Variants in COX5A observed in about 807,000 individuals in gnomAD.
COX5A encodes cytochrome c oxidase subunit 5A, mitochondrial.
A neutral mutation model predicts 16.1 loss-of-function variants in COX5A; 6 were observed. The ratio of observed to expected loss-of-function variants is 0.37; its 90% CI spans 0.20 to 0.73. COX5A has a LOEUF of 0.73. Ranked by LOEUF, COX5A falls within the 30% of genes least tolerant of loss-of-function variation. COX5A has a pLI of 0.50. For synonymous variants in COX5A, 73 were observed against 73.8 expected (o/e 0.99, Z 0.06); for missense variants, 159 against 194.9 (o/e 0.82, Z 1.10).
rs1337673362 is a variant in COX5A at position 74,919,843 on chromosome 15, GT to G, written c.*608del. 1 of 152,324 alleles carries G rather than the reference GT, an allele frequency of 6.6e-6. No homozygotes were observed. The highest frequency in any genetic ancestry group is 1.5e-5 in the Non-Finnish European group (1 of 68,156). 9.4% of individuals were successfully genotyped at this position (152,324 alleles called of 1,614,324 possible). A position where few individuals can be genotyped will look rare whatever the true frequency, so the allele number is the denominator to read the frequency against. On this transcript the variant is annotated 3_prime_UTR_variant, in exon 5 of 5. Transcript: ENST00000322347. ...ATGCCTCCAAATTTACAAAGCAAAT[GT>G]TTTAATGTCCAAGGCTAATACACCA...
chr15:74,938,068 C>T lies in COX5A; in HGVS notation c.-54G>A. Reference sequence around the variant, plus strand: ...ACAGAGAGAAGCCGGTGTAAGCTCGCGGGTTGCTCCGGAGCGGGCGGGGGC... The same window carrying T: ...ACAGAGAGAAGCCGGTGTAAGCTCGTGGGTTGCTCCGGAGCGGGCGGGGGC... On this transcript the variant is annotated 5_prime_UTR_variant, in exon 1 of 5. Coordinates refer to ENST00000322347, the MANE Select transcript of COX5A (RefSeq NM_004255.4). The T allele has an allele frequency of 1.8e-6, 2 of 1,142,472 alleles. No homozygotes were observed. The highest frequency in any genetic ancestry group is 4.4e-5 in the South Asian group (1 of 22,574). The allele number at this position is 1,142,472 out of a possible 1,614,324, so 70.8% of individuals were successfully genotyped here.
intron 1 of COX5A, among the ~76,000 whole-genome samples, chr15:74,931,211 A>G (rs994280417): frequency 2.6e-5 from 4 of 151,912 alleles, no homozygotes; most frequent in African/African-American, 4.8e-5. Flanking sequence ...TTTACTAGGA[A>G]TATTTTGGGC....
At chr15:74,937,141 A>G (rs1828618717) in intron 1 of COX5A, among the ~76,000 whole-genome samples, 1 of 152,128 alleles carries the variant, frequency 6.6e-6, no homozygotes. Flanking sequence ...CACACATATA[A>G]AGGGAAGGAA....
intron 1 of COX5A, among the ~76,000 whole-genome samples, chr15:74,930,890 G>A (rs1303109823): frequency 2.7e-5 from 4 of 149,988 alleles, no homozygotes; most frequent in Admixed American, 6.7e-5. Context: ...GGTGGCGGGC[G>A]CCTGTGGTCC....
At chr15:74,937,118 CA>C (rs2065394465) in intron 1 of COX5A, among the ~76,000 whole-genome samples, 1 of 151,952 alleles carries the variant, frequency 6.6e-6, no homozygotes, top group Non-Finnish European at 1.5e-5. Flanking sequence ...GTGGTGGACT[CA>C]AAACCTCCCA....
intron 1 of COX5A, 27 bp downstream of exon 1, chr15:74,937,888 G>A (rs2065399180): frequency 2.5e-6 from 3 of 1,208,920 alleles, no homozygotes; most frequent in Admixed American, 4.2e-5. Flanking sequence ...ACACGAGGGC[G>A]CGGGCAGTGG....
At chr15:74,921,421 A>AAAG (rs1261778884) in intron 4 of COX5A, among the ~76,000 whole-genome samples, 12 of 147,914 alleles carry the variant, frequency 8.1e-5, no homozygotes, top group Non-Finnish European at 1.5e-4. Context: ...AAAAAAAAAA[A>AAAG]AAAAAGAAAA....
At chr15:74,930,255 TAA>T (rs985872787) in intron 1 of COX5A, among the ~76,000 whole-genome samples, 14 of 149,444 alleles carry the variant, frequency 9.4e-5, no homozygotes, top group Admixed American at 5.3e-4. Context: ...CCATCTCTAC[TAA>T]AAGTATAAAA....
chr15:74,926,478 G>A (rs2065344213), intron 3 of COX5A, among the ~76,000 whole-genome samples: 1 of 131,854 alleles, frequency 7.6e-6, no homozygotes, highest in Non-Finnish European at 1.6e-5. Context: ...ACACGGCCAA[G>A]ATAAATTCTT....
At chr15:74,929,358 A>C in intron 1 of COX5A, 126 bp from the exon 2 acceptor site, 1 of 665,838 alleles carries the variant, frequency 1.5e-6, no homozygotes, top group Admixed American at 2.4e-5. Context: ...GGTCAAATGA[A>C]ATACATCGTA....
At position 74,926,816 on chromosome 15, in the gene COX5A, T is replaced by C. The variant is rs757699339; in HGVS notation, c.289A>G (p.Arg97Gly). 13 of 1,614,030 alleles carry C rather than the reference T, an allele frequency of 8.1e-6. No homozygotes were observed. Among genetic ancestry groups the C allele is most frequent in the Non-Finnish European group, 1.1e-5 (13 of 1,179,940 alleles). Residue 97 changes from arginine (R) to glycine (G), a missense_variant, in exon 3 of 5, where the codon AGA becomes GGA. By Grantham distance (125) the Arg-to-Gly change is moderately radical (BLOSUM62 -2). Transcript: ENST00000322347. ...GTACTAGCAAAATCATTTAACCGTCTGCATGCCCGCAAAGCAGCATCAATG... is the reference window on the plus strand; with the variant it reads ...GTACTAGCAAAATCATTTAACCGTCCGCATGCCCGCAAAGCAGCATCAATG... ...KIIDAALRAC[R>G]RLNDFASTVR...
intron 1 of COX5A, among the ~76,000 whole-genome samples, chr15:74,930,010 C>T (rs1050051246): frequency 6.6e-6 from 1 of 151,254 alleles, no homozygotes; most frequent in Non-Finnish European, 1.5e-5. Flanking sequence ...ACCTGGACGG[C>T]GGAGGTTGCA....
chr15:74,923,040 T>C (rs2065328746), intron 4 of COX5A, among the ~76,000 whole-genome samples: 1 of 152,234 alleles, frequency 6.6e-6, no homozygotes, highest in African/African-American at 2.4e-5. Context: ...ACAGACTCAC[T>C]ATATTATCAT....
intron 1 of COX5A, among the ~76,000 whole-genome samples, 181 bp from the exon 2 acceptor site, chr15:74,929,413 C>G (rs994999479): frequency 6.6e-6 from 1 of 152,082 alleles, no homozygotes; most frequent in African/African-American, 2.4e-5. Flanking sequence ...CAAATAAAAT[C>G]AAGTAGAACA....
rs78556558 is a variant in COX5A at position 74,924,720 on chromosome 15, T to C, written c.340-950A>G. On this transcript the variant is annotated intron_variant, in intron 3 of 4. Transcript: ENST00000322347. ...AGACATGCCCAGCAGGCAACACGAA[T>C]AATTAAGTTAACGGGAAAAGTTTTT... is the stretch of plus-strand genomic sequence containing the variant. 1.4e-3 allele frequency among the ~76,000 whole-genome samples: 220 copies of C among 152,308 alleles called. 1 individual carries two copies. Among genetic ancestry groups the C allele is most frequent in the African/African-American group, 5.1e-3 (210 of 41,570 alleles).
At chr15:74,927,916 A>G (rs1344052555) in intron 2 of COX5A, among the ~76,000 whole-genome samples, 1 of 152,226 alleles carries the variant, frequency 6.6e-6, no homozygotes, top group East Asian at 1.9e-4. Flanking sequence ...ACATTAGTAC[A>G]CAGACTCATA....
chr15:74,931,450 G>A (rs1168792747), intron 1 of COX5A, among the ~76,000 whole-genome samples: 3 of 151,970 alleles, frequency 2.0e-5, no homozygotes, highest in Non-Finnish European at 4.4e-5. Context: ...GAGGTGAGGT[G>A]AGATGATGCC....
chr15:74,930,416 C>CAA lies in COX5A; in HGVS notation c.101-1186_101-1185dup, dbSNP rs71140116. Among the ~76,000 whole-genome samples, 91 of 109,990 alleles carry CAA rather than the reference C, an allele frequency of 8.3e-4. 1 individual carries two copies. The highest frequency in any genetic ancestry group is 9.2e-3 in the Middle Eastern group (2 of 218). The allele number at this position is 109,990 out of a possible 152,430, so 72.2% of individuals were successfully genotyped here. A position where few individuals can be genotyped will look rare whatever the true frequency, so the allele number is the denominator to read the frequency against. ...CTGGCGACAGAGCGAGACTCCGCCT[C>CAA]AAAAAAAAAAAAAAAGACAATAAAC... is the stretch of plus-strand genomic sequence containing the variant. On this transcript the variant is annotated intron_variant, in intron 1 of 4. Transcript: ENST00000322347.
At chr15:74,921,423 A>G (rs2065319978) in intron 4 of COX5A, among the ~76,000 whole-genome samples, 2 of 147,952 alleles carry the variant, frequency 1.4e-5, no homozygotes, top group Non-Finnish European at 3.0e-5. Context: ...AAAAAAAAAA[A>G]AAAGAAAAAG....
Sources: allele counts gnomAD v4.1 joint callset (sites outside exome capture counted in the v4.1 genomes callset), GRCh38; gene constraint gnomAD v4.1.1; transcripts MANE v1.5; gene names NCBI Gene and HGNC (gene_info 2026-07-23, HGNC 2026-07-21).